STPG1: variants seen among roughly 807,000 people sequenced by gnomAD.
STPG1 encodes O(6)-methylguanine-induced apoptosis 2.
STPG1 carries 33 observed loss-of-function variants against 40.1 expected under a neutral mutation model. The observed-to-expected ratio is 0.82, with a 90% CI of 0.62 to 1.10. The LOEUF (loss-of-function observed/expected upper bound fraction) is 1.10, where lower values mean the gene tolerates loss of function less well. Ranked by LOEUF, STPG1 falls within the 50% of genes least tolerant of loss-of-function variation. STPG1 has a pLI of 0.00. For missense variants in STPG1, 396 were observed against 415.1 expected (o/e 0.95, Z 0.40); for synonymous variants, 150 against 155.0 (o/e 0.97, Z 0.24).
chr1:24,369,266 AG>A (rs1207460244), intron 7 of STPG1: 7 of 433,952 alleles, frequency 1.6e-5, no homozygotes, highest in Non-Finnish European at 3.3e-5. Context: ...TTACAAAAAT[AG>A]AACAATGTCA....
chr1:24,361,840 C>T lies in STPG1; in HGVS notation c.738-799G>A, dbSNP rs111337970. On this transcript the variant is annotated intron_variant, in intron 7 of 8. Coordinates refer to ENST00000337248, the MANE Select transcript of STPG1 (RefSeq NM_001199013.2). Reference sequence around the variant, plus strand: ...CTAACTCATTCTGGGCCTCAGTTTCCCCATCTGTAAAAGGAAGGGGTTGGA... The same window carrying T: ...CTAACTCATTCTGGGCCTCAGTTTCTCCATCTGTAAAAGGAAGGGGTTGGA... Among the ~76,000 whole-genome samples the T allele has an allele frequency of 5.4e-3, 818 of 152,222 alleles. 7 individuals are homozygous for T. Among genetic ancestry groups the T allele is most frequent in the African/African-American group, 0.017 (688 of 41,526 alleles).
intron 7 of STPG1, among the ~76,000 whole-genome samples, chr1:24,368,402 A>G (rs1641571266): frequency 6.6e-6 from 1 of 152,156 alleles, no homozygotes; most frequent in South Asian, 2.1e-4. Flanking sequence ...GGGGCCCAAG[A>G]GGATATATTG....
intron 7 of STPG1, among the ~76,000 whole-genome samples, chr1:24,367,050 G>A (rs766882320): frequency 2.4e-4 from 36 of 152,200 alleles, no homozygotes; most frequent in Non-Finnish European, 3.4e-4. Context: ...CCCCAGACAC[G>A]CAGTCCCGCT....
chr1:24,389,269 G>T (rs914897701), intron 3 of STPG1, among the ~76,000 whole-genome samples: 1 of 152,082 alleles, frequency 6.6e-6, no homozygotes, highest in Non-Finnish European at 1.5e-5. Flanking sequence ...TAGATCACGG[G>T]GAATGGGGCC....
At chr1:24,360,776 G>T in intron 8 of STPG1, 75 bp downstream of exon 8, 1 of 1,328,066 alleles carries the variant, frequency 7.5e-7, no homozygotes. Flanking sequence ...TAAATCAATG[G>T]CATTTGATGA....
intron 7 of STPG1, among the ~76,000 whole-genome samples, chr1:24,365,280 A>G (rs1261379763): frequency 1.3e-5 from 2 of 152,224 alleles, no homozygotes; most frequent in African/African-American, 4.8e-5. Flanking sequence ...TTAAAACTCC[A>G]GGAAGCAGAT....
At chr1:24,367,307 T>G (rs896587134) in intron 7 of STPG1, among the ~76,000 whole-genome samples, 3 of 152,186 alleles carry the variant, frequency 2.0e-5, no homozygotes, top group African/African-American at 7.2e-5. Flanking sequence ...CTGTTCAAAC[T>G]TGAGCAAAAG....
intron 3 of STPG1, among the ~76,000 whole-genome samples, chr1:24,388,323 G>A (rs1642603739): frequency 6.6e-6 from 1 of 152,186 alleles, no homozygotes; most frequent in Non-Finnish European, 1.5e-5. Flanking sequence ...GCAGGCTGCT[G>A]GGCCATGCTC....
rs564908076 is a variant in STPG1, at chr1:24,360,262, T to C, written c.928+589A>G. Among the ~76,000 whole-genome samples, 21 of 152,254 alleles carry C rather than the reference T, an allele frequency of 1.4e-4. No individual in the cohort carries two copies. The East Asian group carries it at 3.9e-3, about 28-fold the overall frequency. The stretch of plus-strand genomic sequence containing the variant: ...GAGTTCGAGACCAGCCTAGCCAACA[T>C]AGCGAACCCCTGTCTGTCTCTGCTA... On this transcript the variant is annotated intron_variant, in intron 8 of 8. Coordinates refer to ENST00000337248, the MANE Select transcript of STPG1 (RefSeq NM_001199013.2).
At chr1:24,362,388 G>A in intron 7 of STPG1, among the ~76,000 whole-genome samples, 1 of 152,194 alleles carries the variant, frequency 6.6e-6, no homozygotes, top group East Asian at 1.9e-4. Flanking sequence ...TGGCGGAGGG[G>A]ACTGAGTTTA....
In STPG1 at chr1:24,394,375, C is replaced by T. The variant is rs115028732; in HGVS notation, c.71-2696G>A. Reference sequence around the variant, plus strand: ...AATTTAACTGCATCTCAGAACAAAGCACAAGAATATTTATGGGACTACAAA... The same window carrying T: ...AATTTAACTGCATCTCAGAACAAAGTACAAGAATATTTATGGGACTACAAA... On this transcript the variant is annotated intron_variant, in intron 2 of 8. Transcript: ENST00000337248. Among the ~76,000 whole-genome samples, 1,361 of 152,204 alleles carry T rather than the reference C, an allele frequency of 8.9e-3. 17 individuals carry two copies. The highest frequency in any genetic ancestry group is 0.032 in the African/African-American group (1,312 of 41,528).
In STPG1 at chr1:24,360,957, G is replaced by A. The variant is rs199849506; in HGVS notation, c.822C>T (p.Ile274=). Residue 274 remains isoleucine (I), a synonymous_variant, in exon 8 of 9, where the codon ATC becomes ATT. Transcript: ENST00000337248. ...PPFPGPGQYE[I]VDYLGPRKHF... Reference sequence around the variant, plus strand: ...GCTTGCGGGGGCCTAAGTAGTCCACGATCTCATACTGACCAGGACCTGGGA... The same window carrying A: ...GCTTGCGGGGGCCTAAGTAGTCCACAATCTCATACTGACCAGGACCTGGGA... 1.2e-5 allele frequency: 20 copies of A among 1,614,080 alleles called. No homozygotes were observed. The highest frequency in any genetic ancestry group is 3.3e-5 in the South Asian group (3 of 90,996).
intron 1 of STPG1, among the ~76,000 whole-genome samples, chr1:24,403,158 T>G (rs1331265104): frequency 6.6e-6 from 1 of 152,210 alleles, no homozygotes; most frequent in Non-Finnish European, 1.5e-5. Context: ...CAGGTTCATT[T>G]TATTTTCATT....
At chr1:24,414,799 G>A (rs1354532115), upstream of STPG1, 1 of 152,172 alleles carries the variant, frequency 6.6e-6, no homozygotes, top group East Asian at 1.9e-4. Context: ...CCAAAGTCCT[G>A]AGATTACAGG....
chr1:24,391,314 G>C, intron 3 of STPG1: 1 of 308,874 alleles, frequency 3.2e-6, no homozygotes, highest in Middle Eastern at 8.5e-4. Flanking sequence ...AAATAGTTTT[G>C]GTCCAGTTCA....
chr1:24,400,775 G>A (rs1464741478), intron 2 of STPG1, among the ~76,000 whole-genome samples: 1 of 152,206 alleles, frequency 6.6e-6, no homozygotes, highest in Non-Finnish European at 1.5e-5. Context: ...GGGAGCACAT[G>A]AGCTGGGACA....
At chr1:24,387,075 G>C (rs1414775138) in intron 3 of STPG1, among the ~76,000 whole-genome samples, 1 of 152,110 alleles carries the variant, frequency 6.6e-6, no homozygotes, top group African/African-American at 2.4e-5. Flanking sequence ...CCCTCCCTTG[G>C]GAGTCACAAA....
chr1:24,392,113 A>G (rs560509266), intron 2 of STPG1: 89 of 988,052 alleles, frequency 9.0e-5, no homozygotes, highest in Non-Finnish European at 1.0e-4. Context: ...CAAAGAGGTT[A>G]GGGAAATCCC....
intron 3 of STPG1, among the ~76,000 whole-genome samples, chr1:24,387,494 C>T (rs1401834582): frequency 6.6e-6 from 1 of 152,152 alleles, no homozygotes; most frequent in African/African-American, 2.4e-5. Flanking sequence ...GGTGCCTCCA[C>T]CTCGGGAAGA....
Sources: allele counts gnomAD v4.1 joint callset (sites outside exome capture counted in the v4.1 genomes callset), GRCh38; gene constraint gnomAD v4.1.1; transcripts MANE v1.5; gene names NCBI Gene and HGNC (gene_info 2026-07-23, HGNC 2026-07-21).